The following SSH2 variants were observed in gnomAD, a reference collection of about 807,000 sequenced individuals.
SSH2 encodes the protein slingshot protein phosphatase 2.
Under a neutral mutation model 135.2 loss-of-function variants are expected in SSH2, and 37 were observed. That is an observed-to-expected ratio of 0.27 (90% confidence interval 0.21 to 0.36). The LOEUF (loss-of-function observed/expected upper bound fraction) is 0.36, where lower values mean the gene tolerates loss of function less well. Among genes scored for constraint, SSH2 ranks in the 10% least tolerant of loss-of-function variants. SSH2 has a pLI of 1.00. For missense variants in SSH2, 1,408 were observed against 1,765.3 expected, an observed-to-expected ratio of 0.80 and a Z score of 3.63; for synonymous variants, 628 against 646.2, an observed-to-expected ratio of 0.97 and a Z score of 0.43.
chr17:29,686,579 A>G (rs1432439097), intron 5 of SSH2, among the ~76,000 whole-genome samples: 1 of 150,388 alleles, frequency 6.6e-6, no homozygotes, highest in African/African-American at 2.5e-5. Context: ...CATGTTGCCC[A>G]GGCTGGTCTC....
intron 2 of SSH2, among the ~76,000 whole-genome samples, chr17:29,815,163 C>T (rs1480150764): frequency 2.0e-5 from 3 of 147,880 alleles, no homozygotes; most frequent in Non-Finnish European, 4.5e-5. Context: ...TCTCGCTCTG[C>T]CCCCAGGCTG....
intron 1 of SSH2, among the ~76,000 whole-genome samples, chr17:29,878,198 AG>A (rs1419900008): frequency 5.9e-5 from 9 of 152,240 alleles, no homozygotes; most frequent in African/African-American, 1.9e-4. Context: ...GAGGCCAAGG[AG>A]GGCGGATCAC....
intron 3 of SSH2, chr17:29,760,997 C>T: frequency 1.4e-6 from 1 of 719,118 alleles, no homozygotes; most frequent in Non-Finnish European, 2.0e-6. Flanking sequence ...ACCCCAGCAT[C>T]CTTCCCTCCA....
intron 3 of SSH2, among the ~76,000 whole-genome samples, chr17:29,743,347 G>A (rs2040636387): frequency 6.6e-6 from 1 of 151,842 alleles, no homozygotes; most frequent in Non-Finnish European, 1.5e-5. Context: ...TTGCCATAAA[G>A]AAGAGCACTG....
chr17:29,769,509 A>G (rs978315654), intron 3 of SSH2, among the ~76,000 whole-genome samples: 1 of 152,182 alleles, frequency 6.6e-6, no homozygotes. Context: ...TCAAACTTGT[A>G]TTCATCACAT....
intron 11 of SSH2, among the ~76,000 whole-genome samples, chr17:29,662,525 A>C (rs2037092969): frequency 6.6e-6 from 1 of 152,232 alleles, no homozygotes; most frequent in South Asian, 2.1e-4. Flanking sequence ...TATCACATTC[A>C]GGGACAAAAA....
chr17:29,899,338 T>A (rs1252142527), intron 1 of SSH2, among the ~76,000 whole-genome samples: 1 of 152,120 alleles, frequency 6.6e-6, no homozygotes, highest in Non-Finnish European at 1.5e-5. Flanking sequence ...GAAGTCAAAT[T>A]GTCCCTGTTT....
At chr17:29,644,707 T>G (rs913461123) in intron 14 of SSH2, 1 of 152,158 alleles carries the variant, frequency 6.6e-6, no homozygotes, top group Non-Finnish European at 1.5e-5. Context: ...CTCGGGAGGC[T>G]GAGGCAGGAG....
At chr17:29,740,590 T>G (rs2040523455) in intron 3 of SSH2, among the ~76,000 whole-genome samples, 1 of 152,198 alleles carries the variant, frequency 6.6e-6, no homozygotes, top group South Asian at 2.1e-4. Flanking sequence ...GCCTAAAAGA[T>G]GGAAACTGGT....
intron 3 of SSH2, among the ~76,000 whole-genome samples, chr17:29,733,710 T>A (rs577431993): frequency 6.6e-6 from 1 of 152,336 alleles, no homozygotes; most frequent in East Asian, 1.9e-4. Flanking sequence ...AAAAGTTGTA[T>A]AAATAGTTCA....
At chr17:29,740,315 T>A (rs2151204354) in intron 3 of SSH2, among the ~76,000 whole-genome samples, 1 of 152,338 alleles carries the variant, frequency 6.6e-6, no homozygotes, top group South Asian at 2.1e-4. Context: ...TCCCTGTCTG[T>A]GATTTAAACA....
chr17:29,865,011 G>A (rs1028800194), intron 1 of SSH2, among the ~76,000 whole-genome samples: 1 of 152,170 alleles, frequency 6.6e-6, no homozygotes, highest in African/African-American at 2.4e-5. Context: ...TTAAATCACT[G>A]CATTAAAACT....
intron 2 of SSH2, among the ~76,000 whole-genome samples, chr17:29,802,161 C>A (rs1219483998): frequency 6.6e-6 from 1 of 152,136 alleles, no homozygotes; most frequent in African/African-American, 2.4e-5. Flanking sequence ...TGCACCCAGC[C>A]CATCTGCTCT....
intron 2 of SSH2, among the ~76,000 whole-genome samples, chr17:29,810,627 A>G (rs546293111): frequency 6.6e-6 from 1 of 152,288 alleles, no homozygotes; most frequent in Admixed American, 6.5e-5. Flanking sequence ...TTGAAATTCT[A>G]CCTTAATCAT....
intron 2 of SSH2, among the ~76,000 whole-genome samples, chr17:29,837,703 A>G (rs1461036604): frequency 6.6e-6 from 1 of 152,236 alleles, no homozygotes; most frequent in Admixed American, 6.5e-5. Context: ...AGACACAGCC[A>G]AGACTTGCAG....
intron 1 of SSH2, among the ~76,000 whole-genome samples, chr17:29,927,317 C>T (rs983653229): frequency 6.6e-6 from 1 of 152,038 alleles, no homozygotes; most frequent in Admixed American, 6.6e-5. Flanking sequence ...TCCTCCAATG[C>T]CCCAGCCCCC....
chr17:29,928,818 T>G (rs1043092713), intron 1 of SSH2, among the ~76,000 whole-genome samples: 3 of 152,174 alleles, frequency 2.0e-5, no homozygotes, highest in Non-Finnish European at 2.9e-5. Context: ...GATGATTTTT[T>G]TACAGTGGAA....
At chr17:29,635,773 CCT>C (rs2035891354) in intron 15 of SSH2, among the ~76,000 whole-genome samples, 193 bp downstream of exon 15, 1 of 152,116 alleles carries the variant, frequency 6.6e-6, no homozygotes, top group Non-Finnish European at 1.5e-5. Context: ...TCTGTCATCC[CCT>C]CTTAGAAGTG....
At chr17:29,817,209 C>T (rs1344678103) in intron 2 of SSH2, among the ~76,000 whole-genome samples, 2 of 152,186 alleles carry the variant, frequency 1.3e-5, no homozygotes, top group Admixed American at 1.3e-4. Context: ...ACAATATCCA[C>T]TGTTTTTCTT....
Sources: allele counts gnomAD v4.1 joint callset (sites outside exome capture counted in the v4.1 genomes callset), GRCh38; gene constraint gnomAD v4.1.1; transcripts MANE v1.5; gene names NCBI Gene and HGNC (gene_info 2026-07-23, HGNC 2026-07-21).